Variants in FGF12 observed in about 807,000 individuals in gnomAD.
The protein encoded by FGF12 is fibroblast growth factor 12B.
A neutral mutation model predicts 23.6 loss-of-function variants in FGF12; 14 were observed. That is an observed-to-expected ratio of 0.59 (90% CI 0.39 to 0.93). The LOEUF is 0.93. Ranked by LOEUF, FGF12 falls within the 40% of genes least tolerant of loss-of-function variation. The pLI is 0.00. For synonymous variants in FGF12, 62 were observed against 77.3 expected, an observed-to-expected ratio of 0.80 and a Z score of 1.04; for missense variants, 175 against 217.8, an observed-to-expected ratio of 0.80 and a Z score of 1.24.
chr3:192,266,100 G>C (rs1713062509), intron 4 of FGF12, among the ~76,000 whole-genome samples: 1 of 150,440 alleles, frequency 6.6e-6, no homozygotes, highest in Non-Finnish European at 1.5e-5. Context: ...AATCGTACTG[G>C]TCCTTCGAAG....
chr3:192,282,339 G>A (rs1714195104), intron 4 of FGF12, among the ~76,000 whole-genome samples: 1 of 152,066 alleles, frequency 6.6e-6, no homozygotes, highest in Non-Finnish European at 1.5e-5. Context: ...ACAAAGAAGA[G>A]AATGCAAAAT....
At chr3:192,691,668 GA>G (rs147059405) in intron 2 of FGF12, among the ~76,000 whole-genome samples, 110 of 151,534 alleles carry the variant, frequency 7.3e-4, no homozygotes, top group Non-Finnish European at 1.4e-3. Context: ...GTTAGCAGAA[GA>G]AAAAAAGTAA....
chr3:192,554,460 T>A (rs1157598799), intron 2 of FGF12, among the ~76,000 whole-genome samples: 5 of 152,254 alleles, frequency 3.3e-5, no homozygotes, highest in African/African-American at 1.2e-4. Flanking sequence ...AAAAAGAAAC[T>A]GGCAAATCTC....
At chr3:192,249,355 AG>A (rs1421042125) in intron 4 of FGF12, among the ~76,000 whole-genome samples, 4 of 152,198 alleles carry the variant, frequency 2.6e-5, no homozygotes, top group Non-Finnish European at 4.4e-5. Flanking sequence ...CGTGTGTAAA[AG>A]ATTAAGTTTG....
intron 4 of FGF12, among the ~76,000 whole-genome samples, chr3:192,242,889 G>T (rs548101504): frequency 1.3e-4 from 20 of 152,084 alleles, no homozygotes; most frequent in Admixed American, 8.5e-4. Flanking sequence ...GGAAAGAAAA[G>T]TATATTTTAC....
At chr3:192,476,474 GATAA>G (rs1453747413) in intron 2 of FGF12, among the ~76,000 whole-genome samples, 1 of 152,150 alleles carries the variant, frequency 6.6e-6, no homozygotes, top group East Asian at 1.9e-4. Flanking sequence ...GGAAGTACTT[GATAA>G]ATAATTAATG....
chr3:192,576,421 C>T (rs986663078), intron 2 of FGF12, among the ~76,000 whole-genome samples: 8 of 152,120 alleles, frequency 5.3e-5, no homozygotes, highest in Non-Finnish European at 8.8e-5. Flanking sequence ...AAATCTTGCA[C>T]ATTTTCCATA....
intron 4 of FGF12, among the ~76,000 whole-genome samples, chr3:192,240,150 T>C (rs1719531284): frequency 6.6e-6 from 1 of 152,150 alleles, no homozygotes. Flanking sequence ...TCAGAGGAAA[T>C]AGTACAAAAC....
intron 2 of FGF12, among the ~76,000 whole-genome samples, chr3:192,610,506 C>T (rs1560168578): frequency 6.6e-6 from 1 of 151,960 alleles, no homozygotes; most frequent in Non-Finnish European, 1.5e-5. Flanking sequence ...CACCTTATTC[C>T]AAACCACAAT....
chr3:192,681,543 C>T (rs1426213903), intron 2 of FGF12, among the ~76,000 whole-genome samples: 1 of 152,164 alleles, frequency 6.6e-6, no homozygotes, highest in Admixed American at 6.5e-5. Context: ...TAGATTGAGG[C>T]CTCTGCCTTG....
At chr3:192,346,046 T>TA (rs1717945281) in intron 3 of FGF12, among the ~76,000 whole-genome samples, 1 of 151,624 alleles carries the variant, frequency 6.6e-6, no homozygotes, top group African/African-American at 2.4e-5. Flanking sequence ...AAATTAGGGA[T>TA]AAAAAAGGAC....
intron 4 of FGF12, among the ~76,000 whole-genome samples, chr3:192,219,581 G>C (rs996016400): frequency 2.0e-5 from 3 of 150,300 alleles, no homozygotes; most frequent in African/African-American, 7.3e-5. Flanking sequence ...CAGTGAGCTG[G>C]GCTACAGTAG....
intron 2 of FGF12, among the ~76,000 whole-genome samples, chr3:192,511,257 GCTA>G (rs749848607): frequency 1.3e-3 from 191 of 144,596 alleles, no homozygotes; most frequent in African/African-American, 5.0e-3. Flanking sequence ...ACACACACCT[GCTA>G]CTATTACTAC....
chr3:192,430,256 A>G (rs910933828), intron 2 of FGF12, among the ~76,000 whole-genome samples: 1 of 152,136 alleles, frequency 6.6e-6, no homozygotes, highest in African/African-American at 2.4e-5. Flanking sequence ...CATGAAATCA[A>G]CCAGCCACAA....
intron 4 of FGF12, among the ~76,000 whole-genome samples, chr3:192,216,556 A>G (rs1049685422): frequency 2.6e-5 from 4 of 152,220 alleles, no homozygotes; most frequent in African/African-American, 7.2e-5. Flanking sequence ...GTAATAAACA[A>G]TACCTTTAAA....
intron 4 of FGF12, among the ~76,000 whole-genome samples, 178 bp from the exon 5 acceptor site, chr3:192,170,834 A>G (rs1479597449): frequency 3.3e-5 from 5 of 152,216 alleles, no homozygotes; most frequent in Non-Finnish European, 5.9e-5. Flanking sequence ...ATCAAAAAAC[A>G]TGATTGCCTT....
At chr3:192,653,430 C>T (rs1417364703) in intron 2 of FGF12, among the ~76,000 whole-genome samples, 1 of 152,086 alleles carries the variant, frequency 6.6e-6, no homozygotes, top group Non-Finnish European at 1.5e-5. Context: ...CTTTCTGTGC[C>T]CATCAAAATC....
chr3:192,674,673 C>T (rs759426318), intron 2 of FGF12, among the ~76,000 whole-genome samples: 3 of 152,198 alleles, frequency 2.0e-5, no homozygotes, highest in Non-Finnish European at 4.4e-5. Context: ...ACTCTCCAAT[C>T]TAAAAATTCT....
intron 2 of FGF12, among the ~76,000 whole-genome samples, chr3:192,701,246 GC>G (rs1467699165): frequency 1.3e-5 from 2 of 152,164 alleles, no homozygotes; most frequent in Admixed American, 1.3e-4. Flanking sequence ...TGGGAGCCCT[GC>G]CCCTTTGAGT....
Sources: gnomAD v4.1 joint callset for allele counts (sites outside exome capture counted in the v4.1 genomes callset) on GRCh38, gnomAD v4.1.1 for gene constraint, MANE v1.5 for transcripts, NCBI Gene and HGNC (gene_info 2026-07-23, HGNC 2026-07-21) for gene names.